The following FER variants were observed in gnomAD, a reference collection of about 807,000 sequenced individuals.
FER encodes the protein tyrosine-protein kinase Fer.
Under a neutral mutation model 111.0 loss-of-function variants are expected in FER, and 63 were observed. That is an observed-to-expected ratio of 0.57 (90% CI 0.46 to 0.70). The LOEUF is 0.70. FER is among the 30% of genes least tolerant of loss of function. FER has a pLI of 0.00. For synonymous variants in FER, 327 were observed against 313.9 expected, an observed-to-expected ratio of 1.04 and a Z score of -0.44; for missense variants, 914 against 954.0, an observed-to-expected ratio of 0.96 and a Z score of 0.55.
chr5:109,184,158 T>A (rs575097146), intron 18 of FER, among the ~76,000 whole-genome samples: 1 of 152,346 alleles, frequency 6.6e-6, no homozygotes, highest in African/African-American at 2.4e-5. Flanking sequence ...TCATCAATTA[T>A]TGAACAGAAA....
intron 13 of FER, among the ~76,000 whole-genome samples, chr5:109,031,222 C>A (rs1024703042): frequency 6.6e-6 from 1 of 152,036 alleles, no homozygotes; most frequent in Non-Finnish European, 1.5e-5. Context: ...TCTGTTGTGG[C>A]GGTAGGATGG....
intron 1 of FER, among the ~76,000 whole-genome samples, chr5:108,763,865 C>T (rs1752022461): frequency 1.3e-5 from 2 of 152,184 alleles, no homozygotes; most frequent in Admixed American, 1.3e-4. Context: ...TTCTCCGTTT[C>T]TCTTCTCTTG....
chr5:109,169,938 A>T (rs1756932722), intron 17 of FER, among the ~76,000 whole-genome samples: 1 of 152,228 alleles, frequency 6.6e-6, no homozygotes, highest in African/African-American at 2.4e-5. Context: ...ACTGCAGAAC[A>T]TTCAGTATCT....
intron 3 of FER, among the ~76,000 whole-genome samples, chr5:108,827,443 A>G (rs1759582310): frequency 6.6e-6 from 1 of 152,126 alleles, no homozygotes; most frequent in African/African-American, 2.4e-5. Context: ...AAAAAATAGT[A>G]CCCATTTCTT....
intron 3 of FER, among the ~76,000 whole-genome samples, chr5:108,815,109 TCAAC>T (rs1758147944): frequency 6.6e-6 from 1 of 152,122 alleles, no homozygotes; most frequent in South Asian, 2.1e-4. Flanking sequence ...ATCTGAACAT[TCAAC>T]CAATTTACTA....
At chr5:109,027,897 C>T (rs760662112) in intron 13 of FER, among the ~76,000 whole-genome samples, 2 of 152,100 alleles carry the variant, frequency 1.3e-5, no homozygotes, top group Non-Finnish European at 2.9e-5. Context: ...ATTTTTATAG[C>T]TTTTGCTTAT....
rs766702172 is a variant in FER, at chr5:108,927,252, CTTTT to C, written c.1237-18862_1237-18859del. ...TGTAATTCAGCATTGAGAAGTGGCT[CTTTT>C]TTTTTTTTTTTTTTTGAGACGGAGT... On this transcript the variant is annotated intron_variant, in intron 10 of 19. Coordinates refer to ENST00000281092, the MANE Select transcript of FER (RefSeq NM_005246.4). 2.6e-4 allele frequency among the ~76,000 whole-genome samples: 25 copies of C among 95,254 alleles called. 1 individual carries two copies. The highest frequency in any genetic ancestry group is 1.1e-3 in the African/African-American group (19 of 17,250). 62.5% of individuals were successfully genotyped at this position (95,254 alleles called of 152,430 possible).
chr5:109,174,751 C>T (rs1561991861), intron 17 of FER, among the ~76,000 whole-genome samples: 1 of 152,174 alleles, frequency 6.6e-6, no homozygotes, highest in African/African-American at 2.4e-5. Flanking sequence ...TCCATTTTGG[C>T]TCTTATTTAA....
intron 13 of FER, among the ~76,000 whole-genome samples, chr5:109,033,819 A>G (rs987426079): frequency 6.6e-6 from 1 of 152,124 alleles, no homozygotes; most frequent in Non-Finnish European, 1.5e-5. Context: ...GCTGAGTCAC[A>G]TGTCTTTTTT....
At chr5:109,027,384 G>T (rs1429237972) in intron 13 of FER, among the ~76,000 whole-genome samples, 1 of 152,064 alleles carries the variant, frequency 6.6e-6, no homozygotes, top group Non-Finnish European at 1.5e-5. Flanking sequence ...TCAGTCACAT[G>T]GAAGCAAGAA....
At chr5:109,108,078 G>A (rs1362186533) in intron 17 of FER, among the ~76,000 whole-genome samples, 8 of 152,126 alleles carry the variant, frequency 5.3e-5, no homozygotes, top group African/African-American at 1.9e-4. Context: ...AGATGATGGG[G>A]CATGTACTAA....
chr5:109,062,376 A>T (rs1252042016), intron 16 of FER, among the ~76,000 whole-genome samples: 1 of 151,986 alleles, frequency 6.6e-6, no homozygotes, highest in South Asian at 2.1e-4. Flanking sequence ...AATGCAAAAA[A>T]TTAGCTGGGC....
intron 2 of FER, among the ~76,000 whole-genome samples, chr5:108,788,750 T>C (rs535095817): frequency 1.3e-5 from 2 of 152,306 alleles, no homozygotes; most frequent in South Asian, 4.1e-4. Flanking sequence ...AATTTGGATT[T>C]TTAACCTTAA....
intron 17 of FER, 61 bp downstream of exon 17, chr5:109,100,580 G>T: frequency 6.7e-7 from 1 of 1,494,928 alleles, no homozygotes; most frequent in Non-Finnish European, 9.1e-7. Context: ...GAAAACTGAT[G>T]TATTTGCTAC....
chr5:108,845,742 C>G (rs1761969520), intron 5 of FER, among the ~76,000 whole-genome samples: 1 of 152,114 alleles, frequency 6.6e-6, no homozygotes. Flanking sequence ...CTCTCACCTT[C>G]AAGTATGATG....
chr5:108,790,258 C>CACACACAT (rs1224047682), intron 2 of FER, among the ~76,000 whole-genome samples: 1 of 151,734 alleles, frequency 6.6e-6, no homozygotes, highest in African/African-American at 2.4e-5. Flanking sequence ...CACACACACA[C>CACACACAT]ACACACACAC....
chr5:109,147,792 T>TAGAG (rs1357939664), intron 17 of FER, among the ~76,000 whole-genome samples: 15 of 136,092 alleles, frequency 1.1e-4, no homozygotes, highest in Non-Finnish European at 1.8e-4. Flanking sequence ...TATATATATA[T>TAGAG]ATATATATAG....
rs568491291 is a variant in FER at position 108,860,052 on chromosome 5, C to G, written c.482-7715C>G. Among the ~76,000 whole-genome samples, 15 of 151,748 alleles carry G rather than the reference C, an allele frequency of 9.9e-5. No individual in the cohort carries two copies. In the East Asian group the frequency reaches 2.9e-3, roughly 29 times the overall value. ...CACCTCCCGGGTTCCAGTGATTGTC[C>G]TGCCTCAGCCTCCCAAGTAGCTGGG... On this transcript the variant is annotated intron_variant, in intron 5 of 19. Transcript: ENST00000281092.
intron 10 of FER, among the ~76,000 whole-genome samples, chr5:108,919,452 A>C (rs995098323): frequency 1.3e-5 from 2 of 152,170 alleles, no homozygotes; most frequent in African/African-American, 4.8e-5. Flanking sequence ...ATTTTCCAAA[A>C]GATTCTTTGA....
Sources: allele counts gnomAD v4.1 joint callset (sites outside exome capture counted in the v4.1 genomes callset), GRCh38; gene constraint gnomAD v4.1.1; transcripts MANE v1.5; gene names NCBI Gene and HGNC (gene_info 2026-07-23, HGNC 2026-07-21).